Variants in MECOM observed in about 807,000 individuals in gnomAD.
The protein encoded by MECOM is MDS1 and EVI1 complex locus, also known as histone-lysine N-methyltransferase MECOM.
A neutral mutation model predicts 116.3 loss-of-function variants in MECOM; 13 were observed. The ratio of observed to expected loss-of-function variants is 0.11; its 90% CI spans 0.07 to 0.18. The LOEUF is 0.18. Among genes scored for constraint, MECOM ranks in the 10% least tolerant of loss-of-function variants. The pLI, the probability that MECOM is intolerant of heterozygous loss-of-function variation, is 1.00. For synonymous variants in MECOM, 528 were observed against 535.2 expected, an observed-to-expected ratio of 0.99 and a Z score of 0.19; for missense variants, 1,299 against 1,509.0, an observed-to-expected ratio of 0.86 and a Z score of 2.31.
chr3:169,450,961 A>C (rs1745477012), intron 1 of MECOM, among the ~76,000 whole-genome samples: 2 of 152,212 alleles, frequency 1.3e-5, no homozygotes, highest in African/African-American at 2.4e-5. Context: ...CACTTAGCTT[A>C]ACTGTTTTCC....
intron 2 of MECOM, among the ~76,000 whole-genome samples, chr3:169,333,878 CTCCT>C (rs566910187): frequency 1.6e-4 from 22 of 140,076 alleles, no homozygotes; most frequent in African/African-American, 2.8e-4. Context: ...CCTTCCTTCT[CTCCT>C]TCCTTCCTTC....
intron 1 of MECOM, among the ~76,000 whole-genome samples, chr3:169,626,176 A>G (rs540085725): frequency 6.6e-6 from 1 of 152,360 alleles, no homozygotes; most frequent in East Asian, 1.9e-4. Context: ...TGGTGTGTTT[A>G]TAACAGCAGC....
At chr3:169,348,179 A>G (rs1218544459) in intron 2 of MECOM, among the ~76,000 whole-genome samples, 2 of 151,950 alleles carry the variant, frequency 1.3e-5, no homozygotes, top group African/African-American at 4.8e-5. Flanking sequence ...GAAAGATGGG[A>G]ATATTGCAGA....
At chr3:169,319,606 T>C (rs1046380506) in intron 2 of MECOM, among the ~76,000 whole-genome samples, 6 of 151,994 alleles carry the variant, frequency 3.9e-5, no homozygotes, top group Non-Finnish European at 8.8e-5. Flanking sequence ...AATGAATTGG[T>C]CATATGGAAA....
chr3:169,316,181 T>C (rs1560122088), intron 2 of MECOM, among the ~76,000 whole-genome samples: 1 of 152,246 alleles, frequency 6.6e-6, no homozygotes, highest in Non-Finnish European at 1.5e-5. Flanking sequence ...ATCCACTGTT[T>C]AGTGTTGTAT....
intron 2 of MECOM, among the ~76,000 whole-genome samples, chr3:169,240,473 G>T (rs1754650444): frequency 6.6e-6 from 1 of 152,150 alleles, no homozygotes; most frequent in South Asian, 2.1e-4. Context: ...CACTAAAAGG[G>T]ACTCGTCTAA....
intron 2 of MECOM, among the ~76,000 whole-genome samples, chr3:169,288,746 T>A (rs377493265): frequency 1.2e-3 from 187 of 152,300 alleles, no homozygotes; most frequent in African/African-American, 4.3e-3. Flanking sequence ...CCAGTGATGC[T>A]AATAGATCTC....
chr3:169,588,964 T>C (rs1220536646), intron 1 of MECOM, among the ~76,000 whole-genome samples: 1 of 152,156 alleles, frequency 6.6e-6, no homozygotes, highest in African/African-American at 2.4e-5. Flanking sequence ...ACATAGGGTT[T>C]TTTTCTTGTC....
intron 2 of MECOM, among the ~76,000 whole-genome samples, chr3:169,208,980 A>G (rs535430253): frequency 6.6e-6 from 1 of 152,094 alleles, no homozygotes; most frequent in Non-Finnish European, 1.5e-5. Context: ...ACAGCATGGT[A>G]CTGCTACCAA....
intron 2 of MECOM, among the ~76,000 whole-genome samples, chr3:169,180,794 G>GATAT (rs10576266): frequency 0.094 from 10,205 of 108,656 alleles, 1,540 homozygotes; most frequent in Non-Finnish European, 0.12. Context: ...GTGTGGAGAT[G>GATAT]ATATATATAT....
At chr3:169,155,813 G>C (rs1289194905) in intron 2 of MECOM, among the ~76,000 whole-genome samples, 1 of 152,070 alleles carries the variant, frequency 6.6e-6, no homozygotes, top group Non-Finnish European at 1.5e-5. Context: ...ACTGTGCTGA[G>C]GTAGGTCCTT....
chr3:169,542,954 A>T (rs978012200), intron 1 of MECOM, among the ~76,000 whole-genome samples: 5 of 152,238 alleles, frequency 3.3e-5, no homozygotes, highest in Non-Finnish European at 7.3e-5. Flanking sequence ...GATAATATGA[A>T]CTTGTAAAGT....
At chr3:169,619,464 C>T (rs1343892637) in intron 1 of MECOM, among the ~76,000 whole-genome samples, 3 of 152,156 alleles carry the variant, frequency 2.0e-5, no homozygotes, top group Admixed American at 2.0e-4. Flanking sequence ...CAGGGAGGCA[C>T]CTCAAGATTT....
In MECOM at chr3:169,227,666, T is replaced by A. The variant is rs1404482765; in HGVS notation, c.376-83834A>T. The stretch of plus-strand genomic sequence containing the variant: ...TGGACACAAACTTTTGCCCAAGAAA[T>A]GCGTTGGAAAGGGGGAATGGGTGAA... On this transcript the variant is annotated intron_variant, in intron 2 of 16. Coordinates refer to ENST00000651503, the MANE Select transcript of MECOM (RefSeq NM_004991.4). Among the ~76,000 whole-genome samples the A allele has an allele frequency of 2.0e-5, 3 of 152,064 alleles. No homozygotes were observed. The East Asian group carries it at 5.8e-4, about 29-fold the overall frequency.
At chr3:169,196,627 G>A (rs1748440788) in intron 2 of MECOM, among the ~76,000 whole-genome samples, 1 of 151,950 alleles carries the variant, frequency 6.6e-6, no homozygotes, top group African/African-American at 2.4e-5. Context: ...AATAAAAATA[G>A]AGTTCTAAAT....
rs78453163 is a variant in MECOM at position 169,576,016 on chromosome 3, G to A, written c.37+87320C>T. Among the ~76,000 whole-genome samples the A allele has an allele frequency of 7.6e-3, 1,151 of 152,260 alleles. 12 individuals are homozygous for A. Among genetic ancestry groups the A allele is most frequent in the African/African-American group, 0.026 (1,096 of 41,536 alleles). ...CTGTATACCCATTTCTATTAATCTA[G>A]GAATTCAACTTTCCACATTAGATTT... On this transcript the variant is annotated intron_variant, in intron 1 of 16. Coordinates refer to ENST00000651503, the MANE Select transcript of MECOM (RefSeq NM_004991.4).
chr3:169,206,752 T>TAA (rs71634427), intron 2 of MECOM, among the ~76,000 whole-genome samples: 31,614 of 127,646 alleles, frequency 0.25, 4,150 homozygotes, highest in African/African-American at 0.36. Context: ...GACTTCCTCT[T>TAA]AAAAAAAAAA....
intron 2 of MECOM, among the ~76,000 whole-genome samples, chr3:169,148,108 A>C (rs546483395): frequency 1.3e-5 from 2 of 152,270 alleles, no homozygotes; most frequent in Admixed American, 1.3e-4. Flanking sequence ...AAAATTTTCA[A>C]ACCATATTTT....
intron 1 of MECOM, among the ~76,000 whole-genome samples, chr3:169,462,011 T>A (rs1747531693): frequency 6.6e-6 from 1 of 152,158 alleles, no homozygotes. Context: ...AAATTCACTA[T>A]CCAAATATTC....
Sources: gnomAD v4.1 joint callset for allele counts (sites outside exome capture counted in the v4.1 genomes callset) on GRCh38, gnomAD v4.1.1 for gene constraint, MANE v1.5 for transcripts, NCBI Gene and HGNC (gene_info 2026-07-23, HGNC 2026-07-21) for gene names.